Variants in MED24 observed in about 807,000 individuals in gnomAD.
The protein encoded by MED24 is mediator of RNA polymerase II transcription subunit 24.
In MED24, 74 loss-of-function variants were observed where a neutral mutation model predicts 118.8. The observed-to-expected ratio is 0.62, with a 90% CI of 0.52 to 0.76. The LOEUF (loss-of-function observed/expected upper bound fraction) is 0.76, where lower values mean the gene tolerates loss of function less well. Ranked by LOEUF, MED24 falls within the 30% of genes least tolerant of loss-of-function variation. MED24 has a pLI of 0.00. For synonymous variants in MED24, 521 were observed against 523.9 expected (o/e 0.99, Z 0.08); for missense variants, 1,041 against 1,278.9 (o/e 0.81, Z 2.84).
chr17:40,038,774 T>C (rs1396674638), intron 3 of MED24, among the ~76,000 whole-genome samples: 7 of 151,740 alleles, frequency 4.6e-5, no homozygotes, highest in Non-Finnish European at 1.0e-4. Flanking sequence ...TGGCAAACTT[T>C]CCATCCATGT....
chr17:40,026,643 C>A lies in MED24; in HGVS notation c.1809+4G>T. On this transcript the variant is annotated splice_donor_region_variant and intron_variant, in intron 18 of 25. Coordinates refer to ENST00000394128, the MANE Select transcript of MED24 (RefSeq NM_014815.4). Reference sequence around the variant, plus strand: ...AGCAAACGCTGCTGGGAAGGCGGGGCTACCTGGATGGACTCGAAGGCCAGG... The same window carrying A: ...AGCAAACGCTGCTGGGAAGGCGGGGATACCTGGATGGACTCGAAGGCCAGG... 1.2e-6 allele frequency: 2 copies of A among 1,603,692 alleles called. No homozygotes were observed. Among genetic ancestry groups the A allele is most frequent in the Non-Finnish European group, 1.7e-6 (2 of 1,174,632 alleles).
In MED24 at chr17:40,022,830, G is replaced by C; in HGVS notation, c.2251-4C>G. On this transcript the variant is annotated splice_polypyrimidine_tract_variant and splice_region_variant and intron_variant, in intron 20 of 25. Coordinates refer to ENST00000394128, the MANE Select transcript of MED24 (RefSeq NM_014815.4). ...TCCGCGTCTCCTTCAGCAGCTCCTA[G>C]TGCGCAGGAAAGGGGGCAGTTCAGG... 4 of 1,612,752 alleles carry C rather than the reference G, an allele frequency of 2.5e-6. No individual in the cohort carries two copies. Among genetic ancestry groups the C allele is most frequent in the Non-Finnish European group, 2.5e-6 (3 of 1,179,852 alleles).
intron 15 of MED24, 81 bp from the exon 16 acceptor site, chr17:40,027,546 CCT>C (rs1982832493): frequency 2.1e-6 from 3 of 1,399,158 alleles, no homozygotes; most frequent in Middle Eastern, 1.8e-4. Context: ...TCGGGATTTG[CCT>C]CTAGGAAGGT....
At chr17:40,053,746 A>G in intron 1 of MED24, 111 bp from the exon 2 acceptor site, 1 of 1,398,270 alleles carries the variant, frequency 7.2e-7, no homozygotes, top group Non-Finnish European at 9.8e-7. Flanking sequence ...TAAGCGAGAC[A>G]GAGGAATTTG....
intron 10 of MED24, 55 bp downstream of exon 10, chr17:40,031,981 GAAGGACC>G: frequency 6.4e-7 from 1 of 1,550,880 alleles, no homozygotes; most frequent in East Asian, 2.3e-5. Context: ...GCTGGGGCCT[GAAGGACC>G]CTCCCCTTTG....
At chr17:40,026,416 A>G (rs750348843) in intron 18 of MED24, 85 bp from the exon 19 acceptor site, 2 of 1,523,464 alleles carry the variant, frequency 1.3e-6, no homozygotes, top group East Asian at 4.5e-5. Context: ...CGGGCAGCTA[A>G]GTGCAGCGGG....
chr17:40,035,618 G>T (rs1983847511), intron 5 of MED24, 104 bp downstream of exon 5: 2 of 1,260,762 alleles, frequency 1.6e-6, no homozygotes, highest in African/African-American at 1.5e-5. Context: ...GAGAAAAAAC[G>T]TTGGAACCCG....
At chr17:40,029,109 A>C in intron 13 of MED24, 141 bp from the exon 14 acceptor site, 2 of 1,139,204 alleles carry the variant, frequency 1.8e-6, no homozygotes, top group East Asian at 2.6e-5. Context: ...TCATTCCTAA[A>C]ACCCACCCCT....
intron 3 of MED24, among the ~76,000 whole-genome samples, chr17:40,038,949 C>A (rs2144939475): frequency 6.6e-6 from 1 of 152,262 alleles, no homozygotes; most frequent in South Asian, 2.1e-4. Flanking sequence ...AAGCTGGGAG[C>A]CTGCCTGGGC....
In MED24 at chr17:40,035,328, T is replaced by C; in HGVS notation, c.348A>G (p.Glu116=). The C allele has an allele frequency of 6.3e-7, 1 of 1,593,190 alleles. No homozygotes were observed. Among genetic ancestry groups the C allele is most frequent in the Non-Finnish European group, 8.6e-7 (1 of 1,165,604 alleles). Residue 116 remains glutamate, a synonymous_variant, in exon 6 of 26, where the codon GAA becomes GAG. Transcript: ENST00000394128. ...DRLSCHGKAE[E]CIGLCRALLS... is the part of the protein sequence containing the mutation. Reference sequence around the variant, plus strand: ...GAAGGGCTCGGCACAGTCCGATGCATTCCTCTGCTTTGCCGTGACAGCTAC... The same window carrying C: ...GAAGGGCTCGGCACAGTCCGATGCACTCCTCTGCTTTGCCGTGACAGCTAC...
intron 4 of MED24, 97 bp from the exon 5 acceptor site, chr17:40,035,892 C>A: frequency 8.0e-7 from 1 of 1,248,196 alleles, no homozygotes; most frequent in Non-Finnish European, 1.1e-6. Context: ...GCTCCTCTCT[C>A]CTCCAACCCT....
intron 13 of MED24, 78 bp downstream of exon 13, chr17:40,029,670 G>T: frequency 7.2e-7 from 1 of 1,391,976 alleles, no homozygotes; most frequent in Non-Finnish European, 1.0e-6. Flanking sequence ...TGTGGCCTCT[G>T]TTTATTTATC....
chr17:40,044,589 TA>T (rs1568173266), intron 3 of MED24, among the ~76,000 whole-genome samples: 1 of 150,640 alleles, frequency 6.6e-6, no homozygotes, highest in Non-Finnish European at 1.5e-5. Flanking sequence ...GAAAAAGTTT[TA>T]AAAGATTCTG....
chr17:40,042,232 T>A (rs1382497251), intron 3 of MED24, among the ~76,000 whole-genome samples: 1 of 152,180 alleles, frequency 6.6e-6, no homozygotes, highest in African/African-American at 2.4e-5. Flanking sequence ...ATTTTTATGG[T>A]AACTTAACGA....
At chr17:40,035,087 G>A in intron 6 of MED24, 30 bp downstream of exon 6, 1 of 1,611,830 alleles carries the variant, frequency 6.2e-7, no homozygotes, top group South Asian at 1.1e-5. Flanking sequence ...AGCAGCGGCA[G>A]GTGGGGCTCA....
At position 40,035,343 on chromosome 17, in the gene MED24, G is replaced by A; in HGVS notation, c.333C>T (p.His111=). Residue 111 remains histidine, a synonymous_variant, in exon 6 of 26, where the codon CAC becomes CAT. Transcript: ENST00000394128. The stretch of plus-strand genomic sequence containing the variant: ...GTCCGATGCATTCCTCTGCTTTGCC[G>A]TGACAGCTACAGGGAAGGATGCAAA... ...MDMFCDRLSC[H]GKAEECIGLC... is the part of the protein sequence containing the mutation. 1.9e-6 allele frequency: 3 copies of A among 1,584,472 alleles called. No homozygotes were observed. Among genetic ancestry groups the A allele is most frequent in the Non-Finnish European group, 2.6e-6 (3 of 1,160,724 alleles).
At chr17:40,049,751 G>A (rs997012600) in intron 3 of MED24, among the ~76,000 whole-genome samples, 105 of 151,684 alleles carry the variant, frequency 6.9e-4, no homozygotes, top group Non-Finnish European at 1.2e-3. Context: ...GGTCTCGATC[G>A]CCTGACCTCG....
intron 3 of MED24, among the ~76,000 whole-genome samples, chr17:40,047,713 C>G (rs952059811): frequency 1.3e-5 from 2 of 151,668 alleles, no homozygotes; most frequent in African/African-American, 4.8e-5. Flanking sequence ...AAAAAAAAAC[C>G]CTGACTGAAT....
In MED24 at chr17:40,028,031, G is replaced by A. The variant is rs570757729; in HGVS notation, c.1410-85C>T. On this transcript the variant is annotated intron_variant, in intron 14 of 25. Coordinates refer to ENST00000394128, the MANE Select transcript of MED24 (RefSeq NM_014815.4). ...CTGGGGCTACACATGTTCAGAGAGCGATAGCTAGAGTCTGAGTTACTGGTT... is the reference window on the plus strand; with the variant it reads ...CTGGGGCTACACATGTTCAGAGAGCAATAGCTAGAGTCTGAGTTACTGGTT... 5.7e-4 allele frequency: 762 copies of A among 1,339,420 alleles called. 11 individuals are homozygous for A. In the South Asian group the frequency reaches 8.0e-3, roughly 14 times the overall value. The allele number at this position is 1,339,420 out of a possible 1,614,324, so 83.0% of individuals were successfully genotyped here. A position where few individuals can be genotyped will look rare whatever the true frequency, so the allele number is the denominator to read the frequency against.
Sources: allele counts gnomAD v4.1 joint callset (sites outside exome capture counted in the v4.1 genomes callset), GRCh38; gene constraint gnomAD v4.1.1; transcripts MANE v1.5; gene names NCBI Gene and HGNC (gene_info 2026-07-23, HGNC 2026-07-21).